The following DYNC2LI1 variants were observed in gnomAD, a reference collection of about 807,000 sequenced individuals.
DYNC2LI1 encodes the protein dynein cytoplasmic 2 light intermediate chain 1.
DYNC2LI1 carries 45 observed loss-of-function variants against 51.9 expected under a neutral mutation model. The observed-to-expected ratio is 0.87, with a 90% CI of 0.68 to 1.11. DYNC2LI1 has a LOEUF of 1.11. Among genes scored for constraint, DYNC2LI1 ranks in the 50% most tolerant of loss-of-function variants. The probability of loss-of-function intolerance (pLI) is 0.00; values close to 1 mark genes in which losing one functional copy is unlikely to be tolerated. For synonymous variants in DYNC2LI1, 130 were observed against 137.8 expected (o/e 0.94, Z 0.40); for missense variants, 490 against 417.4 (o/e 1.17, Z -1.51).
chr2:43,809,969 AT>A lies in DYNC2LI1; in HGVS notation c.*210del, dbSNP rs578182294. 5.3e-5 allele frequency: 68 copies of A among 1,273,518 alleles called. No individual in the cohort carries two copies. The highest frequency in any genetic ancestry group is 2.9e-4 in the Middle Eastern group (1 of 3,394). 78.9% of individuals were successfully genotyped at this position (1,273,518 alleles called of 1,614,324 possible). On this transcript the variant is annotated 3_prime_UTR_variant, in exon 13 of 13. Coordinates refer to ENST00000260605, the MANE Select transcript of DYNC2LI1 (RefSeq NM_016008.4). ...AAAAATTATTGTAGAACCACGTGTA[AT>A]TTTTTTTAAAATAAAAGAATCTTCT...
chr2:43,823,816 G>A, the DYNC2LI1 span: 1 of 1,435,054 alleles, frequency 7.0e-7, no homozygotes, highest in Non-Finnish European at 9.4e-7. Context: ...TTAGCTCAGA[G>A]AAAAACCCTT....
At chr2:43,791,320 T>A (rs1362864754) in intron 5 of DYNC2LI1, among the ~76,000 whole-genome samples, 1 of 152,032 alleles carries the variant, frequency 6.6e-6, no homozygotes, top group Non-Finnish European at 1.5e-5. Context: ...CTTACCTGGG[T>A]TGGGAGTCGC....
At position 43,774,113 on chromosome 2, in the gene DYNC2LI1, C is replaced by A; in HGVS notation, c.-26C>A. The A allele has an allele frequency of 6.2e-7, 1 of 1,613,804 alleles. No homozygotes were observed. The highest frequency in any genetic ancestry group is 8.5e-7 in the Non-Finnish European group (1 of 1,179,914). ...GCTGGTCACTACTCCGAGCCTGTGA[C>A]GTTTGCGGCAGCCAGGCCGTCGACG... On this transcript the variant is annotated 5_prime_UTR_variant, in exon 1 of 13. Transcript: ENST00000260605.
intron 5 of DYNC2LI1, chr2:43,792,534 G>A (rs563045659): frequency 1.0e-5 from 7 of 690,768 alleles, no homozygotes; most frequent in South Asian, 8.6e-5. Context: ...TATACATAGC[G>A]TAAAATTTTA....
intron 2 of DYNC2LI1, chr2:43,781,721 G>C (rs1047515825): frequency 3.3e-5 from 5 of 150,954 alleles, no homozygotes; most frequent in Non-Finnish European, 7.4e-5. Context: ...TCCTGCCTCA[G>C]CCTCCCAAGT....
At chr2:43,819,859 G>A in the DYNC2LI1 span, 2 of 1,561,498 alleles carry the variant, frequency 1.3e-6, no homozygotes, top group Non-Finnish European at 1.8e-6. Flanking sequence ...TCATTATTAG[G>A]TGATCATTAA....
At chr2:43,820,430 T>C in the DYNC2LI1 span, among the ~76,000 whole-genome samples, 5 of 152,266 alleles carry the variant, frequency 3.3e-5, no homozygotes, top group East Asian at 3.9e-4. Context: ...GGCATCTTCA[T>C]AAATAACCAT....
chr2:43,790,625 G>C (rs1183386245), intron 5 of DYNC2LI1, among the ~76,000 whole-genome samples: 1 of 150,936 alleles, frequency 6.6e-6, no homozygotes, highest in South Asian at 2.1e-4. Flanking sequence ...CAGAAAACTT[G>C]TAAAAATACT....
chr2:43,812,664 G>A (rs1666543295), downstream of DYNC2LI1: 1 of 194,464 alleles, frequency 5.1e-6, no homozygotes, highest in Non-Finnish European at 1.1e-5. Context: ...ACCCAATTCT[G>A]CATGATAACC....
At chr2:43,801,458 T>G in intron 9 of DYNC2LI1, 181 bp from the exon 10 acceptor site, 1 of 453,470 alleles carries the variant, frequency 2.2e-6, no homozygotes, top group South Asian at 4.1e-5. Context: ...AAATGTTTAT[T>G]TATGCTATAT....
chr2:43,799,767 C>G (rs1202373481), intron 8 of DYNC2LI1, among the ~76,000 whole-genome samples: 1 of 152,096 alleles, frequency 6.6e-6, no homozygotes, highest in African/African-American at 2.4e-5. Flanking sequence ...TTAGGTTTTT[C>G]CTTTCTCATA....
In DYNC2LI1 at chr2:43,809,905, T is replaced by C; in HGVS notation, c.*138T>C. 7.0e-7 allele frequency: 1 copy of C among 1,426,506 alleles called. No individual in the cohort carries two copies. Among genetic ancestry groups the C allele is most frequent in the Middle Eastern group, 2.6e-4 (1 of 3,840 alleles). 88.4% of individuals were successfully genotyped at this position (1,426,506 alleles called of 1,614,324 possible). A position where few individuals can be genotyped will look rare whatever the true frequency, so the allele number is the denominator to read the frequency against. ...AAAGGACAAGCTGGATTTCTTGGAC[T>C]AGTGCATCTCCCTGTATATCTTGAA... On this transcript the variant is annotated 3_prime_UTR_variant, in exon 13 of 13. Transcript: ENST00000260605.
rs759097386 is a variant in DYNC2LI1, at chr2:43,794,451, C to G, written c.321-6C>G. The G allele has an allele frequency of 6.3e-7, 1 of 1,597,246 alleles. No individual in the cohort carries two copies. Among genetic ancestry groups the G allele is most frequent in the Non-Finnish European group, 8.5e-7 (1 of 1,172,194 alleles). ...TCTTTTTTGAAAAGTGTTTTTATTT[C>G]TTTAGGACGTTTTCTCTTGTTCTCG... On this transcript the variant is annotated splice_polypyrimidine_tract_variant and splice_region_variant and intron_variant, in intron 5 of 12. Coordinates refer to ENST00000260605, the MANE Select transcript of DYNC2LI1 (RefSeq NM_016008.4).
At chr2:43,824,676 G>C in the DYNC2LI1 span, 1 of 977,458 alleles carries the variant, frequency 1.0e-6, no homozygotes, top group South Asian at 4.7e-5. Flanking sequence ...AGTAGTAGCA[G>C]TGCGCCAGTT....
At chr2:43,808,964 T>TACACACAC (rs56090427) in intron 12 of DYNC2LI1, among the ~76,000 whole-genome samples, 141 of 145,574 alleles carry the variant, frequency 9.7e-4, no homozygotes, top group African/African-American at 3.2e-3. Context: ...GGACAAAGGA[T>TACACACAC]ACACACACAC....
At chr2:43,821,877 C>T in the DYNC2LI1 span, among the ~76,000 whole-genome samples, 28 of 151,784 alleles carry the variant, frequency 1.8e-4, no homozygotes, top group African/African-American at 6.8e-4. Flanking sequence ...TCTCTCTCTC[C>T]CCCTCTCTTC....
intron 9 of DYNC2LI1, 43 bp from the exon 10 acceptor site, chr2:43,801,596 C>T (rs544389259): frequency 1.4e-6 from 2 of 1,478,224 alleles, no homozygotes; most frequent in African/African-American, 1.4e-5. Context: ...GGCAGCAAAT[C>T]TAATTGCTAA....
intron 2 of DYNC2LI1, among the ~76,000 whole-genome samples, chr2:43,777,852 C>G (rs924007062): frequency 6.6e-6 from 1 of 151,976 alleles, no homozygotes; most frequent in Non-Finnish European, 1.5e-5. Context: ...AATACCTGTA[C>G]AACCATGAAA....
At position 43,774,088 on chromosome 2, in the gene DYNC2LI1, G is replaced by A; in HGVS notation, c.-51G>A. The A allele has an allele frequency of 6.2e-7, 1 of 1,611,914 alleles. No homozygotes were observed. Among genetic ancestry groups the A allele is most frequent in the Non-Finnish European group, 8.5e-7 (1 of 1,179,112 alleles). Reference sequence around the variant, plus strand: ...TGCGGAGCTCGCCGCCTGATTCTAGGCTGGTCACTACTCCGAGCCTGTGAC... The same window carrying A: ...TGCGGAGCTCGCCGCCTGATTCTAGACTGGTCACTACTCCGAGCCTGTGAC... On this transcript the variant is annotated 5_prime_UTR_variant, in exon 1 of 13. Transcript: ENST00000260605.
Sources: gnomAD v4.1 joint callset for allele counts (sites outside exome capture counted in the v4.1 genomes callset) on GRCh38, gnomAD v4.1.1 for gene constraint, MANE v1.5 for transcripts, NCBI Gene and HGNC (gene_info 2026-07-23, HGNC 2026-07-21) for gene names.